PRH1: variants seen among roughly 807,000 people sequenced by gnomAD.
The protein encoded by PRH1 is salivary acidic proline-rich phosphoprotein 1/2.
A neutral mutation model predicts 7.9 loss-of-function variants in PRH1; 7 were observed. The ratio of observed to expected loss-of-function variants is 0.89; its 90% CI spans 0.50 to 1.67. The LOEUF (loss-of-function observed/expected upper bound fraction) is 1.67, where lower values mean the gene tolerates loss of function less well. Ranked by LOEUF, PRH1 falls within the 40% of genes most tolerant of loss-of-function variation. PRH1 has a pLI of 0.00. For synonymous variants in PRH1, 45 were observed against 80.8 expected, an observed-to-expected ratio of 0.56 and a Z score of 2.38; for missense variants, 109 against 223.6, an observed-to-expected ratio of 0.49 and a Z score of 3.27.
At chr12:11,030,829 C>T (rs1392453600) in intron 1 of PRH1, 4 of 1,614,148 alleles carry the variant, frequency 2.5e-6, no homozygotes, top group Non-Finnish European at 3.4e-6. Flanking sequence ...ACACTGCACT[C>T]CTCAATTTGA....
chr12:10,934,302 A>G (rs971114154), intron 2 of PRH1, among the ~76,000 whole-genome samples: 15 of 152,132 alleles, frequency 9.9e-5, no homozygotes, highest in Admixed American at 2.0e-4. Context: ...AAAGATAACT[A>G]CAGCTCCTCT....
intron 1 of PRH1, among the ~76,000 whole-genome samples, chr12:11,067,854 C>A (rs1943893312): frequency 6.6e-6 from 1 of 152,120 alleles, no homozygotes; most frequent in Non-Finnish European, 1.5e-5. Flanking sequence ...CAGAGAGAGA[C>A]CCTGTCTCAA....
chr12:11,057,939 G>A (rs1943433135), intron 1 of PRH1, among the ~76,000 whole-genome samples: 1 of 152,186 alleles, frequency 6.6e-6, no homozygotes, highest in Admixed American at 6.5e-5. Flanking sequence ...AAAACATCAT[G>A]CTAATTTAAT....
At chr12:10,885,890 C>A (rs1236973756), upstream of PRH1, among the ~76,000 whole-genome samples, 1 of 152,176 alleles carries the variant, frequency 6.6e-6, no homozygotes, top group East Asian at 1.9e-4. Context: ...ATATGAGGGT[C>A]TGGTATGGCT....
intron 2 of PRH1, among the ~76,000 whole-genome samples, chr12:10,896,296 G>C (rs1399798923): frequency 2.0e-5 from 3 of 152,008 alleles, no homozygotes; most frequent in African/African-American, 7.3e-5. Flanking sequence ...CTACCACCCT[G>C]GGCTAGAAAT....
At chr12:11,131,694 A>G (rs1946347605) in intron 1 of PRH1, among the ~76,000 whole-genome samples, 1 of 148,158 alleles carries the variant, frequency 6.7e-6, no homozygotes, top group African/African-American at 2.4e-5. Context: ...AGCTGCATCA[A>G]GACTATATTA....
intron 1 of PRH1, chr12:11,061,340 G>C (rs554807484): frequency 6.3e-7 from 1 of 1,591,342 alleles, no homozygotes; most frequent in African/African-American, 1.4e-5. Flanking sequence ...TCTGCTAGAA[G>C]ATACACAATG....
At chr12:11,030,698 C>T (rs2136099492) in intron 1 of PRH1, 5 of 1,614,164 alleles carry the variant, frequency 3.1e-6, no homozygotes, top group Non-Finnish European at 4.2e-6. Flanking sequence ...AGATCCTTTA[C>T]CATGGAGCTG....
At chr12:11,068,146 A>C (rs951823148) in intron 1 of PRH1, among the ~76,000 whole-genome samples, 1 of 152,130 alleles carries the variant, frequency 6.6e-6, no homozygotes, top group East Asian at 1.9e-4. Context: ...CAGAAAATAG[A>C]ATTTGCCAGT....
intron 1 of PRH1, among the ~76,000 whole-genome samples, chr12:11,012,390 T>C (rs530693802): frequency 6.6e-6 from 1 of 152,284 alleles, no homozygotes; most frequent in South Asian, 2.1e-4. Context: ...AGTATAATTA[T>C]GTATAAAACG....
intron 2 of PRH1, among the ~76,000 whole-genome samples, chr12:10,899,480 T>A (rs935234442): frequency 6.6e-6 from 1 of 152,178 alleles, no homozygotes; most frequent in Non-Finnish European, 1.5e-5. Flanking sequence ...CCATTTTCAA[T>A]GTAGTGAGTG....
At chr12:11,063,642 A>C (rs569290779) in intron 1 of PRH1, among the ~76,000 whole-genome samples, 1 of 152,098 alleles carries the variant, frequency 6.6e-6, no homozygotes, top group African/African-American at 2.4e-5. Context: ...TGATAAATCA[A>C]CTCTGCTAAA....
At chr12:11,148,697 T>C (rs941165931) in intron 1 of PRH1, among the ~76,000 whole-genome samples, 1 of 114,874 alleles carries the variant, frequency 8.7e-6, no homozygotes, top group Non-Finnish European at 2.1e-5. Flanking sequence ...GCCAGTATTT[T>C]ATTGAGGATT....
At chr12:11,085,326 T>C (rs1158022450) in intron 1 of PRH1, among the ~76,000 whole-genome samples, 1 of 147,776 alleles carries the variant, frequency 6.8e-6, no homozygotes, top group Admixed American at 6.9e-5. Context: ...TCAAAGAAAA[T>C]AATATGTTGA....
intron 1 of PRH1, among the ~76,000 whole-genome samples, chr12:11,003,775 T>G (rs888681395): frequency 6.6e-6 from 1 of 152,068 alleles, no homozygotes; most frequent in Non-Finnish European, 1.5e-5. Flanking sequence ...ATGTTTTTGA[T>G]GTTAATAATT....
chr12:11,136,883 G>T (rs998307907), intron 1 of PRH1, among the ~76,000 whole-genome samples: 10 of 152,122 alleles, frequency 6.6e-5, no homozygotes, highest in African/African-American at 9.7e-5. Flanking sequence ...GCCAGGCATA[G>T]TGAAGCTACT....
chr12:10,953,582 G>A (rs560520294), intron 2 of PRH1, among the ~76,000 whole-genome samples: 1 of 152,074 alleles, frequency 6.6e-6, no homozygotes, highest in South Asian at 2.1e-4. Flanking sequence ...GAAGAAGAAT[G>A]CACAAAACCT....
chr12:11,022,007 T>A, intron 1 of PRH1: 1 of 1,582,158 alleles, frequency 6.3e-7, no homozygotes, highest in Non-Finnish European at 8.6e-7. Context: ...AGGCTCAGAG[T>A]AAAGGGTATG....
chr12:10,971,331 G>A (rs1938806159), intron 2 of PRH1, among the ~76,000 whole-genome samples: 1 of 149,324 alleles, frequency 6.7e-6, no homozygotes, highest in African/African-American at 2.5e-5. Flanking sequence ...TAAAATGAAT[G>A]TTTTTCACTA....
Sources: allele counts gnomAD v4.1 joint callset (sites outside exome capture counted in the v4.1 genomes callset), GRCh38; gene constraint gnomAD v4.1.1; transcripts MANE v1.5; gene names NCBI Gene and HGNC (gene_info 2026-07-23, HGNC 2026-07-21).